Variants in AGMO observed in about 807,000 individuals in gnomAD.
The protein encoded by AGMO is alkylglycerol monooxygenase.
Under a neutral mutation model 60.2 loss-of-function variants are expected in AGMO, and 75 were observed. That is an observed-to-expected ratio of 1.25 (90% CI 1.03 to 1.51). The LOEUF (loss-of-function observed/expected upper bound fraction) is 1.51, where lower values mean the gene tolerates loss of function less well. AGMO is among the 40% of genes most tolerant of loss of function. The pLI is 0.00. For synonymous variants in AGMO, 261 were observed against 177.1 expected (o/e 1.47, Z -3.76); for missense variants, 763 against 525.5 (o/e 1.45, Z -4.42).
At chr7:15,451,079 T>A (rs1202419309) in intron 3 of AGMO, among the ~76,000 whole-genome samples, 4 of 145,328 alleles carry the variant, frequency 2.8e-5, no homozygotes, top group Non-Finnish European at 4.6e-5. Flanking sequence ...TAAAAAAAAA[T>A]TAGCAGAAGA....
the AGMO span, among the ~76,000 whole-genome samples, chr7:15,175,008 A>G: frequency 1.3e-5 from 2 of 151,842 alleles, no homozygotes; most frequent in Non-Finnish European, 2.9e-5. Context: ...TATTTGCAAT[A>G]TATATCCTTT....
chr7:15,258,905 G>T (rs1408750572), intron 12 of AGMO, among the ~76,000 whole-genome samples: 1 of 151,890 alleles, frequency 6.6e-6, no homozygotes, highest in African/African-American at 2.4e-5. Context: ...GCACTCCACA[G>T]GAAAAAAGAA....
At chr7:15,405,861 T>C (rs1356459555) in intron 5 of AGMO, among the ~76,000 whole-genome samples, 2 of 151,734 alleles carry the variant, frequency 1.3e-5, no homozygotes, top group Non-Finnish European at 2.9e-5. Context: ...CTAATGAAGC[T>C]AAAATAGGAC....
intron 12 of AGMO, among the ~76,000 whole-genome samples, chr7:15,334,238 T>G (rs565713783): frequency 3.2e-4 from 49 of 151,032 alleles, no homozygotes; most frequent in Non-Finnish European, 6.5e-4. Context: ...TATAGAAATG[T>G]AAAATCTGAA....
chr7:15,132,482 CA>C, the AGMO span, among the ~76,000 whole-genome samples: 1 of 152,138 alleles, frequency 6.6e-6, no homozygotes, highest in Admixed American at 6.5e-5. Flanking sequence ...AACTCCTGGG[CA>C]GCACAGCTCC....
chr7:15,146,481 A>C, the AGMO span, among the ~76,000 whole-genome samples: 10 of 151,954 alleles, frequency 6.6e-5, no homozygotes, highest in African/African-American at 2.4e-4. Flanking sequence ...CAGAATACGA[A>C]GTGATTTTGT....
chr7:15,543,022 G>T (rs1784674758), intron 3 of AGMO, among the ~76,000 whole-genome samples: 1 of 152,030 alleles, frequency 6.6e-6, no homozygotes, highest in African/African-American at 2.4e-5. Context: ...CTTCATCCTT[G>T]CTTGGGAAGG....
At chr7:15,159,320 G>A in the AGMO span, among the ~76,000 whole-genome samples, 3 of 152,146 alleles carry the variant, frequency 2.0e-5, no homozygotes, top group Admixed American at 6.6e-5. Flanking sequence ...ATATCTCAAA[G>A]TTTTAGTCGG....
At chr7:15,272,857 G>A (rs541941583) in intron 12 of AGMO, among the ~76,000 whole-genome samples, 3,364 of 152,140 alleles carry the variant, frequency 0.022, 125 homozygotes, top group African/African-American at 0.078. Flanking sequence ...ATCTCATTGT[G>A]GTTTTGATTT....
At chr7:15,139,395 G>A in the AGMO span, among the ~76,000 whole-genome samples, 3 of 152,210 alleles carry the variant, frequency 2.0e-5, no homozygotes, top group South Asian at 4.1e-4. Context: ...CAGGGGACAT[G>A]TGCAGGTTCG....
intron 3 of AGMO, among the ~76,000 whole-genome samples, chr7:15,507,382 A>C (rs1216130911): frequency 6.6e-6 from 1 of 152,082 alleles, no homozygotes; most frequent in Non-Finnish European, 1.5e-5. Flanking sequence ...TATCTTGTCC[A>C]CAAAGTCAAA....
intron 10 of AGMO, among the ~76,000 whole-genome samples, chr7:15,376,800 G>T (rs1384823156): frequency 2.6e-5 from 4 of 151,978 alleles, no homozygotes. Context: ...ATTTTTCAAG[G>T]ATTACTAAAC....
At chr7:15,228,788 T>C (rs1177355540) in intron 12 of AGMO, among the ~76,000 whole-genome samples, 3 of 152,258 alleles carry the variant, frequency 2.0e-5, no homozygotes, top group African/African-American at 7.2e-5. Flanking sequence ...CCAGGTGCAT[T>C]ATCTGTAGGC....
chr7:15,484,329 T>A (rs927306487), intron 3 of AGMO, among the ~76,000 whole-genome samples: 1 of 152,148 alleles, frequency 6.6e-6, no homozygotes, highest in Non-Finnish European at 1.5e-5. Flanking sequence ...AAATGTATCG[T>A]ACAAATTCAT....
chr7:15,396,124 T>G, intron 5 of AGMO: 1 of 152,354 alleles, frequency 6.6e-6, no homozygotes. Flanking sequence ...CGGACAGAAA[T>G]ATTTGCATGC....
At chr7:15,168,599 G>A in the AGMO span, among the ~76,000 whole-genome samples, 2 of 152,168 alleles carry the variant, frequency 1.3e-5, no homozygotes, top group African/African-American at 2.4e-5. Context: ...CTCTGCATTG[G>A]CTAATAACAT....
At chr7:15,180,094 G>A in the AGMO span, among the ~76,000 whole-genome samples, 2 of 152,118 alleles carry the variant, frequency 1.3e-5, no homozygotes, top group Non-Finnish European at 2.9e-5. Flanking sequence ...TCTTTATTAT[G>A]TTGATGACTA....
intron 9 of AGMO, among the ~76,000 whole-genome samples, chr7:15,386,185 AAAG>A (rs1562477684): frequency 5.5e-5 from 4 of 73,304 alleles, no homozygotes; most frequent in African/African-American, 2.7e-4. Context: ...AAAAAAAAGA[AAAG>A]AAAAGAAAAA....
At chr7:15,553,684 T>C (rs1394326925) in intron 2 of AGMO, among the ~76,000 whole-genome samples, 1 of 151,972 alleles carries the variant, frequency 6.6e-6, no homozygotes, top group Non-Finnish European at 1.5e-5. Flanking sequence ...AGACTGAAGG[T>C]CCTAGAAAAA....
Sources: gnomAD v4.1 joint callset for allele counts (sites outside exome capture counted in the v4.1 genomes callset) on GRCh38, gnomAD v4.1.1 for gene constraint, MANE v1.5 for transcripts, NCBI Gene and HGNC (gene_info 2026-07-23, HGNC 2026-07-21) for gene names.